SYNE1: variants seen among roughly 807,000 people sequenced by gnomAD.
The protein encoded by SYNE1 is nesprin-1.
In SYNE1, 616 loss-of-function variants were observed where a neutral mutation model predicts 1,111.0. That is an observed-to-expected ratio of 0.55 (90% confidence interval 0.52 to 0.59). SYNE1 has a LOEUF of 0.59. Among genes scored for constraint, SYNE1 ranks in the 20% least tolerant of loss-of-function variants. The pLI is 0.00. For synonymous variants in SYNE1, 3,855 were observed against 3,825.8 expected, an observed-to-expected ratio of 1.01 and a Z score of -0.28; for missense variants, 10,006 against 10,417.0, an observed-to-expected ratio of 0.96 and a Z score of 1.72.
At chr6:152,429,989 T>A in intron 36 of SYNE1, 123 bp downstream of exon 36, 2 of 699,654 alleles carry the variant, frequency 2.9e-6, no homozygotes, top group South Asian at 1.6e-5. Context: ...ATATAATTAC[T>A]CAACTAATAT....
At chr6:152,291,176 TGC>T (rs2094586503) in intron 95 of SYNE1, among the ~76,000 whole-genome samples, 4 of 113,984 alleles carry the variant, frequency 3.5e-5, no homozygotes, top group African/African-American at 1.4e-4. Context: ...TATTAATATA[TGC>T]AATTATATTA....
chr6:152,534,651 A>G (rs2695256), intron 4 of SYNE1, among the ~76,000 whole-genome samples: 29,658 of 152,124 alleles, frequency 0.19, 3,102 homozygotes, highest in Middle Eastern at 0.32. Context: ...TATTGCATTT[A>G]CCTTTTCCTC....
At chr6:152,231,643 T>C in intron 113 of SYNE1, 76 bp from the exon 114 acceptor site, 7 of 1,431,810 alleles carry the variant, frequency 4.9e-6, no homozygotes, top group Admixed American at 1.9e-5. Flanking sequence ...AAGCCTTAAG[T>C]AACCTTAATA....
At chr6:152,287,837 G>A (rs902787073) in intron 95 of SYNE1, among the ~76,000 whole-genome samples, 3 of 152,218 alleles carry the variant, frequency 2.0e-5, no homozygotes, top group East Asian at 1.9e-4. Context: ...ATGAGCCACC[G>A]CACCCAGCCT....
At chr6:152,215,894 G>A (rs2078520686) in intron 121 of SYNE1, among the ~76,000 whole-genome samples, 3 of 152,222 alleles carry the variant, frequency 2.0e-5, no homozygotes, top group Non-Finnish European at 4.4e-5. Flanking sequence ...CTTGAGCTAT[G>A]AAGTGACCAC....
At chr6:152,503,208 G>A (rs1196801189) in intron 9 of SYNE1, among the ~76,000 whole-genome samples, 2 of 151,988 alleles carry the variant, frequency 1.3e-5, no homozygotes, top group Non-Finnish European at 2.9e-5. Context: ...CACTATATAT[G>A]GCCAAATATA....
At chr6:152,207,706 C>T (rs1207098650) in intron 125 of SYNE1, among the ~76,000 whole-genome samples, 1 of 152,206 alleles carries the variant, frequency 6.6e-6, no homozygotes, top group African/African-American at 2.4e-5. Flanking sequence ...ATTACCTTTT[C>T]ATCCCTGCTG....
intron 4 of SYNE1, among the ~76,000 whole-genome samples, chr6:152,530,472 T>G (rs1273280475): frequency 4.1e-5 from 4 of 98,524 alleles, no homozygotes; most frequent in Non-Finnish European, 9.7e-5. Context: ...TGTATGGTTT[T>G]TTTTTTTTTT....
intron 32 of SYNE1, 145 bp from the exon 33 acceptor site, chr6:152,436,246 A>G (rs2098473186): frequency 1.2e-6 from 1 of 864,534 alleles, no homozygotes; most frequent in Non-Finnish European, 1.7e-6. Context: ...GTTCTTAACA[A>G]TAAATCTGAC....
intron 3 of SYNE1, among the ~76,000 whole-genome samples, chr6:152,558,824 A>C (rs1337253654): frequency 6.6e-6 from 1 of 152,136 alleles, no homozygotes; most frequent in Non-Finnish European, 1.5e-5. Flanking sequence ...TTTGAAGAAC[A>C]CTATAAACCT....
chr6:152,383,411 G>A (rs2097461471), intron 55 of SYNE1, among the ~76,000 whole-genome samples: 1 of 151,984 alleles, frequency 6.6e-6, no homozygotes, highest in Non-Finnish European at 1.5e-5. Context: ...ACCTTCCCTT[G>A]CTGTGCAAAT....
chr6:152,457,463 C>T (rs214966), intron 22 of SYNE1, among the ~76,000 whole-genome samples: 27,521 of 152,062 alleles, frequency 0.18, 2,617 homozygotes, highest in Middle Eastern at 0.3. Flanking sequence ...TGTCTCTCTC[C>T]TCTGATGGAC....
chr6:152,291,275 T>C (rs2153769367), intron 95 of SYNE1, among the ~76,000 whole-genome samples: 1 of 145,652 alleles, frequency 6.9e-6, no homozygotes, highest in East Asian at 2.0e-4. Flanking sequence ...TATATGCAAT[T>C]ATATTAATAT....
chr6:152,575,465 G>A (rs533504440), intron 3 of SYNE1, among the ~76,000 whole-genome samples: 110 of 152,204 alleles, frequency 7.2e-4, no homozygotes, highest in Middle Eastern at 3.4e-3. Flanking sequence ...ATTCTTATCC[G>A]AACTAGAATT....
chr6:152,550,339 TA>T (rs1244215824), intron 3 of SYNE1, among the ~76,000 whole-genome samples: 2 of 152,254 alleles, frequency 1.3e-5, no homozygotes, highest in African/African-American at 4.8e-5. Flanking sequence ...TCTTAACCTC[TA>T]AAAAATATTT....
intron 3 of SYNE1, among the ~76,000 whole-genome samples, chr6:152,552,665 CA>C (rs1475955788): frequency 6.6e-6 from 1 of 152,082 alleles, no homozygotes; most frequent in Non-Finnish European, 1.5e-5. Context: ...AAGGTCAAAT[CA>C]CAGAGTTTAA....
chr6:152,604,578 A>G (rs1306702381), intron 3 of SYNE1, among the ~76,000 whole-genome samples: 3 of 152,274 alleles, frequency 2.0e-5, no homozygotes, highest in African/African-American at 7.2e-5. Context: ...TGCTAGAATT[A>G]CAGGCATGAG....
intron 91 of SYNE1, among the ~76,000 whole-genome samples, chr6:152,304,329 A>ATTATT (rs1281825288): frequency 9.1e-4 from 138 of 152,170 alleles, no homozygotes; most frequent in Middle Eastern, 6.8e-3. Flanking sequence ...AATCTTTTTT[A>ATTATT]TTATTTTATT....
At chr6:152,392,954 G>A (rs2097669382) in intron 51 of SYNE1, among the ~76,000 whole-genome samples, 1 of 152,116 alleles carries the variant, frequency 6.6e-6, no homozygotes, top group South Asian at 2.1e-4. Context: ...CTAGAAGACT[G>A]GGAGGAGCAA....
Sources: gnomAD v4.1 joint callset for allele counts (sites outside exome capture counted in the v4.1 genomes callset) on GRCh38, gnomAD v4.1.1 for gene constraint, MANE v1.5 for transcripts, NCBI Gene and HGNC (gene_info 2026-07-23, HGNC 2026-07-21) for gene names.